The following TANC1 variants were observed in gnomAD, a reference collection of about 807,000 sequenced individuals.
The protein encoded by TANC1 is protein TANC1.
A neutral mutation model predicts 149.7 loss-of-function variants in TANC1; 77 were observed. The ratio of observed to expected loss-of-function variants is 0.51; its 90% CI spans 0.43 to 0.62. The LOEUF (loss-of-function observed/expected upper bound fraction) is 0.62, where lower values mean the gene tolerates loss of function less well. TANC1 is among the 20% of genes least tolerant of loss of function. The probability of loss-of-function intolerance (pLI) is 0.00; values close to 1 mark genes in which losing one functional copy is unlikely to be tolerated. For synonymous variants in TANC1, 854 were observed against 925.0 expected (o/e 0.92, Z 1.39); for missense variants, 1,985 against 2,321.8 (o/e 0.85, Z 2.98).
chr2:159,000,547 T>C (rs1307544753), intron 1 of TANC1, among the ~76,000 whole-genome samples: 1 of 151,894 alleles, frequency 6.6e-6, no homozygotes, highest in Non-Finnish European at 1.5e-5. Flanking sequence ...GCCCAGGGTA[T>C]AGGTGAGGAC....
intron 7 of TANC1, among the ~76,000 whole-genome samples, chr2:159,155,597 G>T (rs1055501771): frequency 6.6e-6 from 1 of 152,200 alleles, no homozygotes; most frequent in Non-Finnish European, 1.5e-5. Context: ...CACCTGAGCT[G>T]GCAGGCATGA....
intron 1 of TANC1, among the ~76,000 whole-genome samples, chr2:158,988,155 C>A (rs1169139250): frequency 6.6e-6 from 1 of 151,582 alleles, no homozygotes; most frequent in African/African-American, 2.4e-5. Flanking sequence ...AAACCCCCGT[C>A]TCTATTAAAA....
intron 2 of TANC1, among the ~76,000 whole-genome samples, chr2:159,021,659 A>G (rs921218074): frequency 2.6e-5 from 4 of 152,242 alleles, no homozygotes; most frequent in African/African-American, 9.6e-5. Context: ...GTAATTTTGC[A>G]TTCAGAAATT....
Position 159,136,264 on chromosome 2 carries a change from A to G in TANC1, c.330A>G (p.Arg110=), listed in dbSNP as rs2050736663. ...VPGDAVIMPF[R]EVAKPTEPDE... is the part of the protein sequence containing the mutation. ...GAGATGCAGTTATAATGCCATTCAGAGAAGTAGCCAAGCCAACAGAGCCTG... is the reference window on the plus strand; with the variant it reads ...GAGATGCAGTTATAATGCCATTCAGGGAAGTAGCCAAGCCAACAGAGCCTG... Residue 110 remains arginine (R), a synonymous_variant, in exon 5 of 27, where the codon AGA becomes AGG. Coordinates refer to ENST00000263635, the MANE Select transcript of TANC1 (RefSeq NM_033394.3). 6.2e-7 allele frequency: 1 copy of G among 1,612,058 alleles called. No individual in the cohort carries two copies. The highest frequency in any genetic ancestry group is 8.5e-7 in the Non-Finnish European group (1 of 1,178,210).
chr2:158,993,104 G>A (rs556825952), intron 1 of TANC1, among the ~76,000 whole-genome samples: 1 of 152,268 alleles, frequency 6.6e-6, no homozygotes, highest in East Asian at 1.9e-4. Flanking sequence ...CTTTATAACA[G>A]CGTTTTAAGG....
chr2:159,215,932 A>G (rs558916857), intron 19 of TANC1, among the ~76,000 whole-genome samples: 31 of 151,986 alleles, frequency 2.0e-4, no homozygotes, highest in African/African-American at 6.5e-4. Flanking sequence ...GGTTGTTTGG[A>G]TTGTTTGCAG....
intron 3 of TANC1, among the ~76,000 whole-genome samples, chr2:159,082,134 CAG>C (rs1178159793): frequency 5.3e-5 from 8 of 152,240 alleles, no homozygotes; most frequent in Non-Finnish European, 1.0e-4. Flanking sequence ...CCCTAGTAAA[CAG>C]AGACTAAAGA....
chr2:159,016,051 A>T (rs559952437), intron 2 of TANC1, among the ~76,000 whole-genome samples: 3 of 152,154 alleles, frequency 2.0e-5, no homozygotes, highest in Admixed American at 6.6e-5. Context: ...CCTGGTACCA[A>T]TTTACTGAAT....
chr2:159,213,587 A>C lies in TANC1; in HGVS notation c.3245-3910A>C, dbSNP rs771661102. Among the ~76,000 whole-genome samples, 90 of 152,250 alleles carry C rather than the reference A, an allele frequency of 5.9e-4. 1 individual carries two copies. In the Middle Eastern group the frequency reaches 0.014, roughly 23 times the overall value. ...TAACACAAATATGAATGGTACCTGC[A>C]GTCCAGATCAGCTGTAGCATCCCTG... On this transcript the variant is annotated intron_variant, in intron 19 of 26. Transcript: ENST00000263635.
chr2:159,222,671 G>A (rs767760264), intron 22 of TANC1, among the ~76,000 whole-genome samples: 48 of 152,202 alleles, frequency 3.2e-4, no homozygotes, highest in Non-Finnish European at 5.1e-4. Context: ...TATGTTTTTT[G>A]CTGTTGTGAA....
Position 159,219,816 on chromosome 2 carries a change from G to A in TANC1, c.3627G>A (p.Lys1209=). The A allele has an allele frequency of 6.2e-7, 1 of 1,613,938 alleles. No individual in the cohort carries two copies. Among genetic ancestry groups the A allele is most frequent in the East Asian group, 2.2e-5 (1 of 44,884 alleles). The stretch of plus-strand genomic sequence containing the variant: ...GAGCTGCAATAGACCAGACAGACAA[G>A]AATGGCCGCACACCCTTGGACCTGG... ...EEGAAIDQTD[K]NGRTPLDLAA... The change falls in exon 22 of 27, where the codon AAG becomes AAA. Residue 1209 remains lysine (K), a synonymous_variant. Transcript: ENST00000263635.
chr2:159,164,468 A>G (rs1196121252), intron 8 of TANC1, among the ~76,000 whole-genome samples: 1 of 152,160 alleles, frequency 6.6e-6, no homozygotes, highest in East Asian at 1.9e-4. Context: ...AGTGATCTCC[A>G]GTGCATAGTG....
chr2:159,176,316 A>T, intron 12 of TANC1, 36 bp from the exon 13 acceptor site: 1 of 1,273,440 alleles, frequency 7.9e-7, no homozygotes, highest in Non-Finnish European at 1.1e-6. Context: ...AGAAATGTAT[A>T]ATTTCTTAAT....
intron 7 of TANC1, among the ~76,000 whole-genome samples, chr2:159,160,398 G>A (rs1437736090): frequency 6.6e-6 from 1 of 152,040 alleles, no homozygotes; most frequent in Non-Finnish European, 1.5e-5. Context: ...GTACCCACAA[G>A]CATTTTTGAG....
intron 22 of TANC1, 110 bp downstream of exon 22, chr2:159,219,977 AGTGTGT>A (rs760037919): frequency 0.017 from 9,229 of 557,474 alleles, 4 homozygotes; most frequent in East Asian, 0.044. Context: ...GTCATCAGAG[AGTGTGT>A]GTGTGTGTGT....
At chr2:159,128,655 GAGCC>G (rs1253252289) in intron 4 of TANC1, among the ~76,000 whole-genome samples, 4 of 152,238 alleles carry the variant, frequency 2.6e-5, no homozygotes, top group Admixed American at 2.6e-4. Flanking sequence ...AAAGCACAGG[GAGCC>G]AGCCCATGTT....
intron 19 of TANC1, among the ~76,000 whole-genome samples, chr2:159,209,054 C>T (rs1292461339): frequency 1.3e-5 from 2 of 152,240 alleles, no homozygotes; most frequent in African/African-American, 4.8e-5. Context: ...CAGTCTGTCG[C>T]TGACTGAAAC....
intron 7 of TANC1, among the ~76,000 whole-genome samples, chr2:159,154,501 A>G (rs1347491276): frequency 6.6e-6 from 1 of 152,150 alleles, no homozygotes; most frequent in Non-Finnish European, 1.5e-5. Context: ...AACCAGTACA[A>G]GAATTTACTG....
At chr2:159,088,544 T>C (rs1377335186) in intron 3 of TANC1, among the ~76,000 whole-genome samples, 1 of 152,182 alleles carries the variant, frequency 6.6e-6, no homozygotes, top group Non-Finnish European at 1.5e-5. Flanking sequence ...ATAGTATAGA[T>C]ATATAGTATA....
Sources: gnomAD v4.1 joint callset for allele counts (sites outside exome capture counted in the v4.1 genomes callset) on GRCh38, gnomAD v4.1.1 for gene constraint, MANE v1.5 for transcripts, NCBI Gene and HGNC (gene_info 2026-07-23, HGNC 2026-07-21) for gene names.